The following ESRRB variants were observed in gnomAD, a reference collection of about 807,000 sequenced individuals.
ESRRB encodes estrogen related receptor beta.
Under a neutral mutation model 46.0 loss-of-function variants are expected in ESRRB, and 16 were observed. That is an observed-to-expected ratio of 0.35 (90% CI 0.24 to 0.53). The LOEUF (loss-of-function observed/expected upper bound fraction) is 0.53. ESRRB is among the 20% of genes least tolerant of loss of function. The pLI is 0.93. For missense variants in ESRRB, 488 were observed against 607.4 expected, an observed-to-expected ratio of 0.80 and a Z score of 2.07; for synonymous variants, 246 against 259.6, an observed-to-expected ratio of 0.95 and a Z score of 0.50.
intron 2 of ESRRB, among the ~76,000 whole-genome samples, chr14:76,450,276 A>G (rs2139960205): frequency 6.6e-6 from 1 of 152,266 alleles, no homozygotes; most frequent in Admixed American, 6.5e-5. Context: ...GTGTTTCAGG[A>G]CAGCAGGAGG....
intron 6 of ESRRB, chr14:76,495,223 G>GCATCAACAGAACTTCTGTTGA (rs1304713302): frequency 2.0e-5 from 3 of 152,058 alleles, no homozygotes; most frequent in Admixed American, 6.5e-5. Flanking sequence ...ACTTCTGTTG[G>GCATCAACAGAACTTCTGTTGA]CATCAACAGA....
intron 5 of ESRRB, among the ~76,000 whole-genome samples, chr14:76,485,972 T>C (rs1176330726): frequency 2.0e-5 from 3 of 149,642 alleles, no homozygotes; most frequent in Non-Finnish European, 4.5e-5. Context: ...AAGGATCCCA[T>C]TTGGAACAAG....
At chr14:76,401,490 A>G (rs1885941707) in intron 1 of ESRRB, among the ~76,000 whole-genome samples, 1 of 152,248 alleles carries the variant, frequency 6.6e-6, no homozygotes, top group East Asian at 1.9e-4. Context: ...CCAAAGAAAC[A>G]GAACCAATAC....
At chr14:76,388,781 T>C (rs1885348972) in intron 1 of ESRRB, among the ~76,000 whole-genome samples, 1 of 152,170 alleles carries the variant, frequency 6.6e-6, no homozygotes. Context: ...ACCCCCTCCA[T>C]GCCTCTCCTA....
At chr14:76,474,398 T>C (rs538718672) in intron 3 of ESRRB, among the ~76,000 whole-genome samples, 2 of 152,358 alleles carry the variant, frequency 1.3e-5, no homozygotes, top group Admixed American at 6.5e-5. Context: ...ACAGCTTTAT[T>C]GAAATATAGT....
Position 76,403,938 on chromosome 14 carries a change from C to T in ESRRB, c.50+27487C>T, listed in dbSNP as rs190186430. On this transcript the variant is annotated intron_variant, in intron 1 of 6. Coordinates refer to ENST00000644823, the MANE Select transcript of ESRRB (RefSeq NM_001379180.1). Reference sequence around the variant, plus strand: ...TTCACCACGTTGGCCAGGCTGGTCCCGAACTCCTGACTTCAGGTGATCCAC... The same window carrying T: ...TTCACCACGTTGGCCAGGCTGGTCCTGAACTCCTGACTTCAGGTGATCCAC... 1.4e-3 allele frequency among the ~76,000 whole-genome samples: 212 copies of T among 152,144 alleles called. 1 individual carries two copies. The highest frequency in any genetic ancestry group is 4.6e-3 in the African/African-American group (189 of 41,512).
At position 76,332,416 on chromosome 14, in the gene ESRRB, C is replaced by T. The variant is rs187418474; in HGVS notation, c.2+21500C>T. Among the ~76,000 whole-genome samples, 13 of 134,782 alleles carry T rather than the reference C, an allele frequency of 9.6e-5. No individual in the cohort carries two copies. In the Middle Eastern group the frequency reaches 0.011, roughly 110 times the overall value. 88.4% of individuals were successfully genotyped at this position (134,782 alleles called of 152,430 possible). The stretch of plus-strand genomic sequence containing the variant: ...TGGGCTCAAGCCATCCTTCTGCCTC[C>T]GCCTCCTGAGTAGCTGGGCCTACAG... On this transcript the variant is annotated intron_variant, in intron 1 of 6. Coordinates refer to the ESRRB transcript ENST00000512784.
intron 3 of ESRRB, 128 bp downstream of exon 3, chr14:76,462,789 C>A: frequency 1.4e-5 from 11 of 772,676 alleles, no homozygotes; most frequent in South Asian, 1.4e-4. Context: ...GCGCCCATCT[C>A]CTCCCACACC....
chr14:76,438,572 G>C (rs1267690775), intron 1 of ESRRB, among the ~76,000 whole-genome samples: 2 of 151,940 alleles, frequency 1.3e-5, no homozygotes, highest in East Asian at 3.9e-4. Flanking sequence ...GCTGAGGCAG[G>C]AGAATCGCTT....
Position 76,439,515 on chromosome 14 carries a change from C to T in ESRRB, c.225C>T (p.Asn75=), listed in dbSNP as rs752511322. ...GFGLALGTHA[N]GLDSPPMFAG... is the part of the protein sequence containing the mutation. ...GCCTGGCCCTGGGCACCCACGCCAA[C>T]GGTCTGGACTCGCCACCCATGTTTG... The change falls in exon 2 of 7, where the codon AAC becomes AAT. Residue 75 remains asparagine (N), a synonymous_variant. Transcript: ENST00000644823. 2.5e-6 allele frequency: 4 copies of T among 1,613,102 alleles called. No homozygotes were observed. The highest frequency in any genetic ancestry group is 2.7e-5 in the African/African-American group (2 of 74,944).
At chr14:76,327,601 A>G (rs1368749382) in intron 1 of ESRRB, among the ~76,000 whole-genome samples, 1 of 152,144 alleles carries the variant, frequency 6.6e-6, no homozygotes, top group East Asian at 1.9e-4. Flanking sequence ...CCCAGAGGAG[A>G]AAGATGGGCC....
intron 1 of ESRRB, among the ~76,000 whole-genome samples, chr14:76,379,723 A>G (rs1240671455): frequency 6.6e-6 from 1 of 152,178 alleles, no homozygotes; most frequent in Non-Finnish European, 1.5e-5. Flanking sequence ...GTCCCGGGTA[A>G]GGCCCTTTCC....
chr14:76,369,562 C>T (rs1254960637), upstream of ESRRB, among the ~76,000 whole-genome samples: 2 of 152,140 alleles, frequency 1.3e-5, no homozygotes, highest in Non-Finnish European at 2.9e-5. Context: ...GCACGAGCCA[C>T]CACGCCCGGC....
chr14:76,458,840 CTTT>C (rs58084859), intron 2 of ESRRB, among the ~76,000 whole-genome samples: 28 of 126,274 alleles, frequency 2.2e-4, no homozygotes, highest in African/African-American at 8.8e-4. Context: ...TCACCCTCTC[CTTT>C]TTTTTTTTTT....
At chr14:76,332,922 A>G (rs1884054530) in intron 1 of ESRRB, among the ~76,000 whole-genome samples, 2 of 15,114 alleles carry the variant, frequency 1.3e-4, no homozygotes, top group African/African-American at 2.3e-4. Flanking sequence ...TATTATATAT[A>G]TTTATATATT....
At chr14:76,420,535 TA>T (rs1328857399) in intron 1 of ESRRB, among the ~76,000 whole-genome samples, 1 of 150,146 alleles carries the variant, frequency 6.7e-6, no homozygotes, top group Non-Finnish European at 1.5e-5. Context: ...CATGAGCTAA[TA>T]GGTCTTCTCC....
chr14:76,365,991 C>G (rs1884517779), intron 1 of ESRRB, among the ~76,000 whole-genome samples: 1 of 152,170 alleles, frequency 6.6e-6, no homozygotes, highest in Non-Finnish European at 1.5e-5. Flanking sequence ...CTATTGGTTG[C>G]CAACTCAAGA....
intron 1 of ESRRB, among the ~76,000 whole-genome samples, chr14:76,434,236 G>A (rs1250869265): frequency 6.6e-6 from 1 of 152,162 alleles, no homozygotes; most frequent in Non-Finnish European, 1.5e-5. Flanking sequence ...AGAGGGTCTG[G>A]CCTCTCCAGC....
upstream of ESRRB, among the ~76,000 whole-genome samples, chr14:76,368,853 G>A (rs1257850914): frequency 6.6e-6 from 1 of 152,194 alleles, no homozygotes; most frequent in East Asian, 1.9e-4. Context: ...GTATACATCT[G>A]TGAAGGTAAT....
Sources: gnomAD v4.1 joint callset for allele counts (sites outside exome capture counted in the v4.1 genomes callset) on GRCh38, gnomAD v4.1.1 for gene constraint, MANE v1.5 for transcripts, NCBI Gene and HGNC (gene_info 2026-07-23, HGNC 2026-07-21) for gene names.